The following GRIK2 variants were observed in gnomAD, a reference collection of about 807,000 sequenced individuals.
GRIK2 encodes glutamate receptor ionotropic, kainate 2.
Under a neutral mutation model 100.3 loss-of-function variants are expected in GRIK2, and 32 were observed. The observed-to-expected ratio is 0.32, with a 90% confidence interval of 0.24 to 0.43. GRIK2 has a LOEUF of 0.43. Ranked by LOEUF, GRIK2 falls within the 20% of genes least tolerant of loss-of-function variation. The pLI, the probability that GRIK2 is intolerant of heterozygous loss-of-function variation, is 1.00. For missense variants in GRIK2, 843 were observed against 1,114.9 expected (o/e 0.76, Z 3.47); for synonymous variants, 417 against 389.4 (o/e 1.07, Z -0.83).
At chr6:101,872,208 C>T (rs1296472667) in intron 11 of GRIK2, among the ~76,000 whole-genome samples, 1 of 151,870 alleles carries the variant, frequency 6.6e-6, no homozygotes, top group Non-Finnish European at 1.5e-5. Context: ...ATGTGGCCAA[C>T]ATTAACCCAG....
intron 7 of GRIK2, among the ~76,000 whole-genome samples, chr6:101,793,937 C>T (rs1389524090): frequency 6.6e-6 from 1 of 152,162 alleles, no homozygotes; most frequent in African/African-American, 2.4e-5. Flanking sequence ...TCCCAGCCTC[C>T]CTGCCGCGTT....
intron 2 of GRIK2, among the ~76,000 whole-genome samples, chr6:101,582,449 C>T (rs1283808246): frequency 3.3e-5 from 5 of 152,144 alleles, no homozygotes; most frequent in Non-Finnish European, 2.9e-5. Context: ...GCTTGGCTCT[C>T]ATTCTCTCTC....
chr6:101,715,563 A>C (rs1011225194), intron 7 of GRIK2, among the ~76,000 whole-genome samples: 6 of 151,800 alleles, frequency 4.0e-5, no homozygotes, highest in African/African-American at 1.4e-4. Flanking sequence ...TAAAGATCAA[A>C]CCAACATCTT....
chr6:101,436,804 A>G (rs1187854947), intron 2 of GRIK2, among the ~76,000 whole-genome samples: 2 of 150,672 alleles, frequency 1.3e-5, no homozygotes, highest in African/African-American at 4.8e-5. Context: ...ATTATTTTTT[A>G]TTATTATACT....
intron 7 of GRIK2, among the ~76,000 whole-genome samples, chr6:101,782,387 C>T (rs1420022576): frequency 6.6e-6 from 1 of 152,164 alleles, no homozygotes; most frequent in Non-Finnish European, 1.5e-5. Flanking sequence ...TTTTCAGTAG[C>T]TATCATTCTC....
intron 7 of GRIK2, among the ~76,000 whole-genome samples, chr6:101,785,815 A>G (rs1346572796): frequency 6.6e-6 from 1 of 152,016 alleles, no homozygotes; most frequent in African/African-American, 2.4e-5. Context: ...TTTTGGTTCC[A>G]TATGAATTTT....
At chr6:101,943,657 C>A (rs1408254026) in intron 14 of GRIK2, among the ~76,000 whole-genome samples, 1 of 152,208 alleles carries the variant, frequency 6.6e-6, no homozygotes, top group African/African-American at 2.4e-5. Flanking sequence ...GACTGCCCTA[C>A]TGGATTTTGG....
At chr6:101,681,526 C>T (rs1192377413) in intron 5 of GRIK2, among the ~76,000 whole-genome samples, 1 of 151,538 alleles carries the variant, frequency 6.6e-6, no homozygotes, top group Non-Finnish European at 1.5e-5. Context: ...TGAGACACTG[C>T]ACCCAGCCAG....
intron 2 of GRIK2, among the ~76,000 whole-genome samples, chr6:101,400,691 T>C (rs928120211): frequency 4.6e-5 from 7 of 152,182 alleles, no homozygotes; most frequent in Non-Finnish European, 7.3e-5. Flanking sequence ...CCCCCAATGA[T>C]AAAATTCACC....
intron 2 of GRIK2, among the ~76,000 whole-genome samples, chr6:101,529,053 G>A (rs1380073918): frequency 6.6e-6 from 1 of 152,090 alleles, no homozygotes; most frequent in Non-Finnish European, 1.5e-5. Flanking sequence ...GTATTAAGCT[G>A]AATTTCTTTC....
intron 14 of GRIK2, among the ~76,000 whole-genome samples, chr6:102,004,288 T>C (rs1483717044): frequency 1.7e-5 from 2 of 114,972 alleles, no homozygotes; most frequent in Admixed American, 1.7e-4. Context: ...TGTAAGTTCA[T>C]TTTTTTTTTT....
chr6:101,708,535 CT>C (rs1773491483), intron 7 of GRIK2, among the ~76,000 whole-genome samples: 1 of 151,612 alleles, frequency 6.6e-6, no homozygotes, highest in African/African-American at 2.4e-5. Flanking sequence ...CCCATTGTCA[CT>C]CTTTAAAATT....
At chr6:101,501,970 C>T (rs1773773539) in intron 2 of GRIK2, among the ~76,000 whole-genome samples, 1 of 152,040 alleles carries the variant, frequency 6.6e-6, no homozygotes, top group South Asian at 2.1e-4. Flanking sequence ...TTGGTTTCAC[C>T]TCAAGTGATC....
chr6:101,932,376 A>C (rs557117858), intron 14 of GRIK2, among the ~76,000 whole-genome samples: 1 of 151,892 alleles, frequency 6.6e-6, no homozygotes, highest in African/African-American at 2.4e-5. Context: ...CCTGTGTTGC[A>C]TTCTATACCT....
At chr6:101,804,636 T>C (rs920746590) in intron 9 of GRIK2, among the ~76,000 whole-genome samples, 30 of 151,872 alleles carry the variant, frequency 2.0e-4, no homozygotes, top group Admixed American at 7.9e-4. Flanking sequence ...AACTCAAATA[T>C]TGGAAAATGA....
intron 14 of GRIK2, among the ~76,000 whole-genome samples, chr6:102,000,291 T>G (rs1388227070): frequency 2.0e-5 from 3 of 151,162 alleles, no homozygotes; most frequent in Non-Finnish European, 4.4e-5. Flanking sequence ...TTTTTTTTTT[T>G]TTGATACGGA....
intron 8 of GRIK2, among the ~76,000 whole-genome samples, chr6:101,800,618 G>T (rs933212510): frequency 1.3e-5 from 2 of 151,860 alleles, no homozygotes; most frequent in African/African-American, 2.4e-5. Context: ...GTGCAAATAG[G>T]ATCATAATTA....
intron 7 of GRIK2, among the ~76,000 whole-genome samples, chr6:101,760,764 A>AATTATATTTAATTATATAATTATATATTT (rs1562364997): frequency 8.2e-6 from 1 of 121,878 alleles, no homozygotes; most frequent in East Asian, 2.4e-4. Flanking sequence ...AATTATATAT[A>AATTATATTTAATTATATAATTATATATTT]AATCAAGGTT....
intron 7 of GRIK2, among the ~76,000 whole-genome samples, chr6:101,772,785 C>T (rs772159296): frequency 6.6e-6 from 1 of 151,836 alleles, no homozygotes; most frequent in Non-Finnish European, 1.5e-5. Context: ...TACTCTCTAA[C>T]ATTAATAGAT....
Sources: allele counts gnomAD v4.1 joint callset (sites outside exome capture counted in the v4.1 genomes callset), GRCh38; gene constraint gnomAD v4.1.1; transcripts MANE v1.5; gene names NCBI Gene and HGNC (gene_info 2026-07-23, HGNC 2026-07-21).